The following CACNA1D variants were observed in gnomAD, a reference collection of about 807,000 sequenced individuals.
CACNA1D encodes voltage-dependent L-type calcium channel subunit alpha-1D.
CACNA1D carries 55 observed loss-of-function variants against 257.1 expected under a neutral mutation model. The observed-to-expected ratio is 0.21, with a 90% CI of 0.17 to 0.27. The LOEUF is 0.27. Ranked by LOEUF, CACNA1D falls within the 10% of genes least tolerant of loss-of-function variation. The pLI is 1.00. For missense variants in CACNA1D, 1,876 were observed against 2,784.0 expected (o/e 0.67, Z 7.34); for synonymous variants, 980 against 1,014.9 (o/e 0.97, Z 0.65).
intron 3 of CACNA1D, among the ~76,000 whole-genome samples, chr3:53,644,668 A>G (rs1289261267): frequency 1.3e-5 from 2 of 152,198 alleles, no homozygotes; most frequent in African/African-American, 2.4e-5. Flanking sequence ...TTTAAAGGCT[A>G]AATAGTATTT....
intron 3 of CACNA1D, among the ~76,000 whole-genome samples, chr3:53,558,275 A>G (rs529026100): frequency 2.0e-5 from 3 of 152,268 alleles, no homozygotes; most frequent in African/African-American, 7.2e-5. Flanking sequence ...TACTGGCCTT[A>G]TAGTATTCCC....
chr3:53,705,317 C>T (rs1035573724), intron 9 of CACNA1D, among the ~76,000 whole-genome samples: 4 of 151,932 alleles, frequency 2.6e-5, no homozygotes, highest in African/African-American at 7.3e-5. Context: ...ACAAGGTGTG[C>T]GAAGTGACAA....
chr3:53,591,982 A>G (rs1160050195), intron 3 of CACNA1D, among the ~76,000 whole-genome samples: 1 of 150,196 alleles, frequency 6.7e-6, no homozygotes, highest in African/African-American at 2.5e-5. Context: ...TTCCAGGAAC[A>G]CCTTGATTCT....
chr3:53,690,459 C>T (rs2094508891), intron 8 of CACNA1D, among the ~76,000 whole-genome samples: 1 of 152,170 alleles, frequency 6.6e-6, no homozygotes, highest in East Asian at 1.9e-4. Context: ...GGTCCTGTTG[C>T]TGGAGGGTGG....
At chr3:53,768,649 C>T (rs1403105121) in intron 30 of CACNA1D, among the ~76,000 whole-genome samples, 2 of 152,120 alleles carry the variant, frequency 1.3e-5, no homozygotes, top group African/African-American at 2.4e-5. Flanking sequence ...AAGCAAGGAC[C>T]CCTTTTAAAC....
chr3:53,554,702 G>A (rs576068386), intron 3 of CACNA1D, among the ~76,000 whole-genome samples: 124 of 152,286 alleles, frequency 8.1e-4, no homozygotes, highest in Non-Finnish European at 1.5e-3. Context: ...CTTTTGCTGC[G>A]TGAGGTTAAA....
chr3:53,592,250 T>A (rs1259240733), intron 3 of CACNA1D, among the ~76,000 whole-genome samples: 1 of 152,124 alleles, frequency 6.6e-6, no homozygotes, highest in Non-Finnish European at 1.5e-5. Flanking sequence ...TTTAATGAGG[T>A]GCCATGTAGG....
At chr3:53,615,528 C>T (rs566418758) in intron 3 of CACNA1D, among the ~76,000 whole-genome samples, 6 of 152,326 alleles carry the variant, frequency 3.9e-5, no homozygotes, top group Non-Finnish European at 8.8e-5. Flanking sequence ...GCTTTATAGC[C>T]TGGTGGAAGA....
At chr3:53,669,412 A>G (rs1200455801) in intron 7 of CACNA1D, among the ~76,000 whole-genome samples, 2 of 152,246 alleles carry the variant, frequency 1.3e-5, no homozygotes, top group Non-Finnish European at 2.9e-5. Context: ...ATTTTTATCC[A>G]CAACTAGGGC....
intron 3 of CACNA1D, among the ~76,000 whole-genome samples, chr3:53,550,019 C>T (rs769979615): frequency 3.9e-5 from 6 of 152,146 alleles, no homozygotes; most frequent in African/African-American, 1.2e-4. Context: ...AGATTTCAGT[C>T]GGCTGCTGAG....
Position 53,800,492 on chromosome 3 carries a change from T to C in CACNA1D, c.5040+127T>C. 6.4e-6 allele frequency: 5 copies of C among 777,880 alleles called. No individual in the cohort carries two copies. In the South Asian group the frequency reaches 6.8e-5, roughly 11 times the overall value. 48.2% of individuals were successfully genotyped at this position (777,880 alleles called of 1,614,324 possible). ...GCCCATCCCCAGGGCCTAGAGGGGCTTTCAGACCACACCCTCCCCCTCTTA... is the reference window on the plus strand; with the variant it reads ...GCCCATCCCCAGGGCCTAGAGGGGCCTTCAGACCACACCCTCCCCCTCTTA... On this transcript the variant is annotated intron_variant, in intron 41 of 47. Coordinates refer to ENST00000350061, the MANE Select transcript of CACNA1D (RefSeq NM_001128840.3). The surrounding 1 kb of genome is among the most constrained non-coding windows in gnomAD (Gnocchi z 4.3).
At chr3:53,756,485 G>A (rs964947356) in intron 29 of CACNA1D, among the ~76,000 whole-genome samples, 2 of 152,194 alleles carry the variant, frequency 1.3e-5, no homozygotes, top group African/African-American at 2.4e-5. Context: ...GTTAGGAGCC[G>A]AAGCGCAAAA....
chr3:53,677,961 G>A (rs934400378), intron 8 of CACNA1D, among the ~76,000 whole-genome samples: 3 of 152,182 alleles, frequency 2.0e-5, no homozygotes, highest in Non-Finnish European at 4.4e-5. Context: ...GTGAGCTGAA[G>A]AATGTAGAGG....
intron 18 of CACNA1D, 80 bp from the exon 19 acceptor site, chr3:53,732,735 T>A (rs1276889967): frequency 1.5e-6 from 2 of 1,372,236 alleles, no homozygotes; most frequent in African/African-American, 2.8e-5. Context: ...TTAAGCCAAA[T>A]TTGCATGTGA....
intron 3 of CACNA1D, among the ~76,000 whole-genome samples, chr3:53,607,764 CCA>C (rs2093531233): frequency 6.6e-6 from 1 of 152,206 alleles, no homozygotes; most frequent in East Asian, 1.9e-4. Flanking sequence ...ACCTGAATAT[CCA>C]GTTGTTCTAG....
At chr3:53,809,567 C>G (rs1285615509) in intron 46 of CACNA1D, 1 of 289,150 alleles carries the variant, frequency 3.5e-6, no homozygotes, top group Non-Finnish European at 6.7e-6. Context: ...TACTCCAGAG[C>G]AAAGAGAACC....
chr3:53,705,237 C>T (rs1384005981), intron 9 of CACNA1D, among the ~76,000 whole-genome samples: 3 of 152,024 alleles, frequency 2.0e-5, no homozygotes, highest in Non-Finnish European at 2.9e-5. Flanking sequence ...AGGAAGGCTC[C>T]GTGGGAGGAG....
At chr3:53,689,956 G>C (rs1039141157) in intron 8 of CACNA1D, among the ~76,000 whole-genome samples, 2 of 152,056 alleles carry the variant, frequency 1.3e-5, no homozygotes, top group Admixed American at 6.5e-5. Flanking sequence ...CACTGCACCC[G>C]GCTAGATTTT....
chr3:53,769,260 C>G (rs1192047772), intron 30 of CACNA1D, among the ~76,000 whole-genome samples: 2 of 152,220 alleles, frequency 1.3e-5, no homozygotes, highest in African/African-American at 4.8e-5. Flanking sequence ...CAGCCAGACC[C>G]TGGAGGAGGT....
Sources: gnomAD v4.1 joint callset for allele counts (sites outside exome capture counted in the v4.1 genomes callset) on GRCh38, gnomAD v4.1.1 for gene constraint, Gnocchi (gnomAD v3.1) non-coding constraint, MANE v1.5 for transcripts, NCBI Gene and HGNC (gene_info 2026-07-23, HGNC 2026-07-21) for gene names.